IL1RAPL1: variants seen among roughly 807,000 people sequenced by gnomAD.
IL1RAPL1 encodes the protein interleukin-1 receptor accessory protein-like 1.
Under a neutral mutation model 48.4 loss-of-function variants are expected in IL1RAPL1, and 3 were observed. The ratio of observed to expected loss-of-function variants is 0.06; its 90% CI spans 0.03 to 0.16. The LOEUF (loss-of-function observed/expected upper bound fraction) is 0.16. IL1RAPL1 is among the 10% of genes least tolerant of loss of function. The probability of loss-of-function intolerance (pLI) is 1.00; values close to 1 mark genes in which losing one functional copy is unlikely to be tolerated. For missense variants in IL1RAPL1, 349 were observed against 530.6 expected, an observed-to-expected ratio of 0.66 and a Z score of 3.36; for synonymous variants, 185 against 187.7, an observed-to-expected ratio of 0.99 and a Z score of 0.12.
intron 2 of IL1RAPL1, among the ~76,000 whole-genome samples, chrX:28,958,542 A>G (rs928168146): frequency 1.8e-5 from 2 of 111,959 alleles, no homozygotes; most frequent in Admixed American, 9.6e-5. Flanking sequence ...TTAGACATTA[A>G]GAAGAGGAAG....
intron 3 of IL1RAPL1, among the ~76,000 whole-genome samples, chrX:29,333,399 C>T (rs1932913276): frequency 2.2e-5 from 2 of 90,884 alleles, no homozygotes; most frequent in Non-Finnish European, 4.6e-5. Context: ...GCTGGCCGGG[C>T]GGGGGGCTGA....
intron 6 of IL1RAPL1, among the ~76,000 whole-genome samples, chrX:29,692,876 T>C (rs1400420070): frequency 8.9e-5 from 10 of 112,088 alleles, no homozygotes; most frequent in African/African-American, 1.9e-4. Context: ...GGTTTGGTTT[T>C]CTGCTGAGTT....
At chrX:29,310,093 CAAAAAAAAAAAAAAAAAAAAAAAAAAAA>C (rs57210050) in intron 3 of IL1RAPL1, among the ~76,000 whole-genome samples, 1 of 23,736 alleles carries the variant, frequency 4.2e-5, no homozygotes, top group Non-Finnish European at 6.5e-5. Flanking sequence ...GACTCCGTCT[CAAAAAAAAAAAAAAAAAAAAAAAAAAAA>C]AAAAAAAAGA....
At chrX:29,437,348 G>T (rs141801002) in intron 5 of IL1RAPL1, among the ~76,000 whole-genome samples, 4 of 110,694 alleles carry the variant, frequency 3.6e-5, no homozygotes, top group African/African-American at 1.3e-4. Context: ...CATTTTATCT[G>T]CAGATAAGGA....
At chrX:29,648,692 TC>T (rs1925421323) in intron 5 of IL1RAPL1, among the ~76,000 whole-genome samples, 3 of 109,861 alleles carry the variant, frequency 2.7e-5, no homozygotes, top group South Asian at 3.8e-4. Context: ...AAGAGAAAAA[TC>T]TTAAATAGCC....
chrX:29,213,502 A>AT (rs1427632396), intron 2 of IL1RAPL1, among the ~76,000 whole-genome samples: 1 of 112,496 alleles, frequency 8.9e-6, no homozygotes, highest in Non-Finnish European at 1.9e-5. Context: ...CACTCTTGCA[A>AT]TTGCTTCCAT....
intron 2 of IL1RAPL1, among the ~76,000 whole-genome samples, chrX:28,815,882 T>TATATAA (rs1555926465): frequency 2.8e-4 from 21 of 75,504 alleles, no homozygotes; most frequent in African/African-American, 9.7e-4. Flanking sequence ...TATATATATA[T>TATATAA]ATAATTTTTT....
At chrX:29,945,694 C>T (rs1218065833) in intron 9 of IL1RAPL1, among the ~76,000 whole-genome samples, 2 of 111,879 alleles carry the variant, frequency 1.8e-5, no homozygotes, top group Non-Finnish European at 3.8e-5. Flanking sequence ...GCCATTTTAT[C>T]AGACTTGCAG....
At chrX:29,861,700 TAAAAA>T (rs907396366) in intron 6 of IL1RAPL1, among the ~76,000 whole-genome samples, 1 of 109,856 alleles carries the variant, frequency 9.1e-6, no homozygotes, top group African/African-American at 3.3e-5. Context: ...CCTATGGAAA[TAAAAA>T]ATAAAATAAA....
intron 8 of IL1RAPL1, among the ~76,000 whole-genome samples, chrX:29,930,701 T>G (rs1466178935): frequency 8.9e-6 from 1 of 112,034 alleles, no homozygotes; most frequent in Non-Finnish European, 1.9e-5. Context: ...AAAATGCTTA[T>G]AGGAAACCTA....
rs925744376 is a variant in IL1RAPL1 at position 29,674,691 on chromosome X, A to AT, written c.778+6194dup. Among the ~76,000 whole-genome samples the AT allele has an allele frequency of 3.2e-4, 36 of 111,148 alleles. 1 individual carries two copies. Among genetic ancestry groups the AT allele is most frequent in the African/African-American group, 1.2e-3 (36 of 30,556 alleles). Reference sequence around the variant, plus strand: ...ACCCAGCTGCTAGTACCCAATAGTTATTTTTTTCTTCTCTCTCTCTCTCCT... The same window carrying AT: ...ACCCAGCTGCTAGTACCCAATAGTTATTTTTTTTCTTCTCTCTCTCTCTCCT... On this transcript the variant is annotated intron_variant, in intron 6 of 10. Coordinates refer to ENST00000378993, the MANE Select transcript of IL1RAPL1 (RefSeq NM_014271.4).
At chrX:28,919,901 A>T (rs745737395) in intron 2 of IL1RAPL1, among the ~76,000 whole-genome samples, 5 of 112,143 alleles carry the variant, frequency 4.5e-5, no homozygotes, top group Non-Finnish European at 9.4e-5. Flanking sequence ...AAGTGTAGTT[A>T]TCTTTGCTAG....
At chrX:29,566,231 G>A (rs1219030922) in intron 5 of IL1RAPL1, among the ~76,000 whole-genome samples, 2 of 111,572 alleles carry the variant, frequency 1.8e-5, no homozygotes, top group African/African-American at 6.5e-5. Flanking sequence ...GAGCCACCGC[G>A]CCCGGCCCAT....
intron 6 of IL1RAPL1, among the ~76,000 whole-genome samples, chrX:29,892,057 T>A (rs1356443069): frequency 8.9e-6 from 1 of 112,210 alleles, no homozygotes; most frequent in African/African-American, 3.2e-5. Context: ...AAGTTAAATA[T>A]AACATTGTGG....
At chrX:29,448,034 G>A (rs1319637188) in intron 5 of IL1RAPL1, among the ~76,000 whole-genome samples, 2 of 111,735 alleles carry the variant, frequency 1.8e-5, no homozygotes, top group African/African-American at 6.5e-5. Context: ...GTTCAGTAAG[G>A]GGCCAGGATG....
intron 5 of IL1RAPL1, among the ~76,000 whole-genome samples, chrX:29,443,754 A>G (rs1052232854): frequency 7.1e-5 from 8 of 111,942 alleles, no homozygotes; most frequent in South Asian, 3.7e-4. Context: ...TCTCTGCTCT[A>G]CATGAGGTCA....
At chrX:29,636,126 T>A (rs1222025934) in intron 5 of IL1RAPL1, among the ~76,000 whole-genome samples, 2 of 110,816 alleles carry the variant, frequency 1.8e-5, no homozygotes, top group African/African-American at 3.3e-5. Context: ...GAGTGAAAAA[T>A]TAAATTTCCA....
chrX:29,586,899 C>A (rs5927865), intron 5 of IL1RAPL1, among the ~76,000 whole-genome samples: 6,339 of 110,818 alleles, frequency 0.057, 254 homozygotes, highest in African/African-American at 0.13. Context: ...GCAACTTTAC[C>A]AAATTCGTGT....
chrX:29,046,782 C>A (rs1174315029), intron 2 of IL1RAPL1, among the ~76,000 whole-genome samples: 2 of 111,940 alleles, frequency 1.8e-5, no homozygotes, highest in Non-Finnish European at 3.8e-5. Flanking sequence ...TTCGATTGTC[C>A]TAAAATGGAG....
Sources: gnomAD v4.1 joint callset for allele counts (sites outside exome capture counted in the v4.1 genomes callset) on GRCh38, gnomAD v4.1.1 for gene constraint, MANE v1.5 for transcripts, NCBI Gene and HGNC (gene_info 2026-07-23, HGNC 2026-07-21) for gene names.